Variants in LOC400499 observed in about 807,000 individuals in gnomAD.
At chr16:11,385,773 T>C in the LOC400499 span, among the ~76,000 whole-genome samples, 5 of 152,278 alleles carry the variant, frequency 3.3e-5, no homozygotes, top group South Asian at 8.3e-4. Context: ...GGCAGATTGG[T>C]GGCTGCAGGG....
chr16:11,466,921 TTG>T, the LOC400499 span, among the ~76,000 whole-genome samples: 52,173 of 151,022 alleles, frequency 0.35, 11,447 homozygotes, highest in Non-Finnish European at 0.5. Flanking sequence ...TATATGTGTA[TTG>T]TGTGTGTGTG....
chr16:11,465,708 G>C, the LOC400499 span, among the ~76,000 whole-genome samples: 1 of 151,888 alleles, frequency 6.6e-6, no homozygotes, highest in Admixed American at 6.6e-5. Flanking sequence ...AGGGGTTTGA[G>C]GCTGCAGTGA....
chr16:11,440,942 G>T, the LOC400499 span: 1 of 399,098 alleles, frequency 2.5e-6, no homozygotes. Context: ...CCCATACCTG[G>T]TAGGAATGGG....
At chr16:11,449,148 C>T in the LOC400499 span, 1 of 1,356,268 alleles carries the variant, frequency 7.4e-7, no homozygotes, top group Non-Finnish European at 9.7e-7. Flanking sequence ...CTTTGCACAC[C>T]CTATTTCCTC....
the LOC400499 span, chr16:11,396,667 C>A: frequency 8.1e-7 from 1 of 1,231,978 alleles, no homozygotes; most frequent in African/African-American, 1.6e-5. Context: ...CCCCGACGAC[C>A]AAGAGGGCCT....
At chr16:11,446,492 C>A in the LOC400499 span, 2 of 1,468,032 alleles carry the variant, frequency 1.4e-6, no homozygotes, top group Non-Finnish European at 1.8e-6. Context: ...TGAGCGATGA[C>A]AGCAACTTGA....
the LOC400499 span, chr16:11,435,640 C>A: frequency 5.0e-6 from 2 of 399,290 alleles, no homozygotes; most frequent in Non-Finnish European, 8.8e-6. Context: ...TGCCTCCTCG[C>A]AGGCCACCTG....
chr16:11,401,772 T>G, the LOC400499 span, among the ~76,000 whole-genome samples: 1 of 152,238 alleles, frequency 6.6e-6, no homozygotes, highest in South Asian at 2.1e-4. Context: ...GAGGCTGATG[T>G]GTGGCTTCAC....
the LOC400499 span, among the ~76,000 whole-genome samples, chr16:11,433,194 T>C: frequency 2.0e-5 from 3 of 152,244 alleles, no homozygotes; most frequent in African/African-American, 7.2e-5. Flanking sequence ...TCTGGCCTTT[T>C]ACTGAGAGTC....
At chr16:11,447,811 G>A in the LOC400499 span, 6 of 1,300,516 alleles carry the variant, frequency 4.6e-6, no homozygotes, top group Non-Finnish European at 6.1e-6. Context: ...TTCCATCTGG[G>A]CCCCAGCAGG....
the LOC400499 span, chr16:11,372,189 C>T: frequency 6.6e-6 from 1 of 152,300 alleles, no homozygotes; most frequent in Admixed American, 6.5e-5. Context: ...AGTGTGTCTA[C>T]CCCAAAGAGA....
At chr16:11,496,983 G>T in the LOC400499 span, among the ~76,000 whole-genome samples, 1 of 151,822 alleles carries the variant, frequency 6.6e-6, no homozygotes, top group Admixed American at 6.6e-5. Context: ...CCCCATGTGG[G>T]TGTCCTGGGA....
At chr16:11,426,233 C>T in the LOC400499 span, among the ~76,000 whole-genome samples, 3 of 152,056 alleles carry the variant, frequency 2.0e-5, no homozygotes, top group African/African-American at 4.8e-5. Context: ...GTCAGGAGTT[C>T]GAGACCAGCC....
chr16:11,434,696 G>A, the LOC400499 span, among the ~76,000 whole-genome samples: 1 of 152,136 alleles, frequency 6.6e-6, no homozygotes, highest in African/African-American at 2.4e-5. Context: ...CATGCTCACT[G>A]GCCCTGGCTT....
the LOC400499 span, chr16:11,462,512 C>A: frequency 2.4e-6 from 2 of 829,470 alleles, no homozygotes; most frequent in Non-Finnish European, 2.9e-6. Context: ...TCGCTGCAAC[C>A]TCCACCTCCT....
the LOC400499 span, among the ~76,000 whole-genome samples, chr16:11,520,392 C>T: frequency 6.6e-6 from 1 of 152,174 alleles, no homozygotes; most frequent in Admixed American, 6.5e-5. Context: ...CATAGTGGCT[C>T]ACGCCTGTAA....
chr16:11,380,241 ATCT>A, the LOC400499 span, among the ~76,000 whole-genome samples: 1 of 142,566 alleles, frequency 7.0e-6, no homozygotes, highest in African/African-American at 2.8e-5. Context: ...TCCACCTAGC[ATCT>A]TTTTTTTTTT....
At chr16:11,429,058 G>A in the LOC400499 span, among the ~76,000 whole-genome samples, 3 of 152,118 alleles carry the variant, frequency 2.0e-5, no homozygotes, top group Non-Finnish European at 4.4e-5. Flanking sequence ...TCCCTACTGA[G>A]GTTAAGGAAG....
chr16:11,510,797 T>C, the LOC400499 span, among the ~76,000 whole-genome samples: 64 of 151,414 alleles, frequency 4.2e-4, no homozygotes, highest in African/African-American at 1.5e-3. Flanking sequence ...CCACGACAGT[T>C]GGGAACCAGA....
Sources: gnomAD v4.1 joint callset for allele counts (sites outside exome capture counted in the v4.1 genomes callset) on GRCh38, gnomAD v4.1.1 for gene constraint, MANE v1.5 for transcripts.